THEMIS: variants seen among roughly 807,000 people sequenced by gnomAD.
THEMIS encodes protein THEMIS.
THEMIS carries 37 observed loss-of-function variants against 52.6 expected under a neutral mutation model. The ratio of observed to expected loss-of-function variants is 0.70; its 90% CI spans 0.54 to 0.93. THEMIS has a LOEUF of 0.93. Ranked by LOEUF, THEMIS falls within the 40% of genes least tolerant of loss-of-function variation. The pLI, the probability that THEMIS is intolerant of heterozygous loss-of-function variation, is 0.00. For missense variants in THEMIS, 808 were observed against 763.1 expected (o/e 1.06, Z -0.69); for synonymous variants, 292 against 272.7 (o/e 1.07, Z -0.70).
At chr6:127,791,132 G>A (rs903568185) in intron 4 of THEMIS, among the ~76,000 whole-genome samples, 6 of 152,130 alleles carry the variant, frequency 3.9e-5, no homozygotes, top group Non-Finnish European at 7.3e-5. Context: ...CCCACCATTC[G>A]GCAGGTCCCA....
At chr6:127,824,820 C>G (rs1267204207) in intron 3 of THEMIS, among the ~76,000 whole-genome samples, 3 of 152,054 alleles carry the variant, frequency 2.0e-5, no homozygotes, top group African/African-American at 7.2e-5. Context: ...AGCTACTTGA[C>G]AGGCTGAGGC....
chr6:127,759,695 A>T (rs985056494), intron 4 of THEMIS, among the ~76,000 whole-genome samples: 1 of 152,082 alleles, frequency 6.6e-6, no homozygotes, highest in Non-Finnish European at 1.5e-5. Flanking sequence ...CCCTAGTCCA[A>T]GTCACCACTC....
chr6:127,852,383 A>G (rs1049717359), intron 2 of THEMIS, among the ~76,000 whole-genome samples: 8 of 151,562 alleles, frequency 5.3e-5, no homozygotes, highest in African/African-American at 1.9e-4. Context: ...CACATAAACC[A>G]ACAGACATCT....
At chr6:127,818,023 C>T (rs889012130) in intron 3 of THEMIS, among the ~76,000 whole-genome samples, 1 of 152,206 alleles carries the variant, frequency 6.6e-6, no homozygotes, top group African/African-American at 2.4e-5. Context: ...TATTTTAGCA[C>T]AGCCTAACCA....
At chr6:127,865,224 T>C (rs527938955) in intron 1 of THEMIS, among the ~76,000 whole-genome samples, 1 of 152,126 alleles carries the variant, frequency 6.6e-6, no homozygotes, top group East Asian at 1.9e-4. Context: ...AAAACAGACA[T>C]CCACCAAAAA....
Position 127,852,204 on chromosome 6 carries a change from T to C in THEMIS, c.250+2826A>G, listed in dbSNP as rs554484419. On this transcript the variant is annotated intron_variant, in intron 2 of 5. Coordinates refer to ENST00000368248, the MANE Select transcript of THEMIS (RefSeq NM_001010923.3). ...ATCAACAAGAGATAACAATTACAAA[T>C]ACATATACCCCTACCATCAGAGCCT... is the stretch of plus-strand genomic sequence containing the variant. Among the ~76,000 whole-genome samples the C allele has an allele frequency of 5.3e-5, 8 of 151,492 alleles. No individual in the cohort carries two copies. In the South Asian group the frequency reaches 1.5e-3, roughly 28 times the overall value.
At chr6:127,885,372 G>A (rs1269612757) in intron 1 of THEMIS, among the ~76,000 whole-genome samples, 1 of 152,018 alleles carries the variant, frequency 6.6e-6, no homozygotes, top group African/African-American at 2.4e-5. Context: ...TTCTTGTTAA[G>A]CTTTCTCTGA....
chr6:127,798,241 T>C (rs1777397005), intron 4 of THEMIS, among the ~76,000 whole-genome samples: 1 of 152,224 alleles, frequency 6.6e-6, no homozygotes. Context: ...AAACCACAAG[T>C]GTATATTTAT....
intron 1 of THEMIS, among the ~76,000 whole-genome samples, chr6:127,887,680 T>C (rs557973898): frequency 6.6e-6 from 1 of 152,226 alleles, no homozygotes; most frequent in Non-Finnish European, 1.5e-5. Flanking sequence ...GCAGATCAGT[T>C]GTTGCCTAGG....
intron 4 of THEMIS, among the ~76,000 whole-genome samples, chr6:127,773,371 T>C (rs1311606650): frequency 6.6e-6 from 1 of 152,204 alleles, no homozygotes; most frequent in East Asian, 1.9e-4. Context: ...AAGAAGAATT[T>C]ACATTTTTAG....
chr6:127,697,655 T>G, the THEMIS span, among the ~76,000 whole-genome samples: 1 of 152,120 alleles, frequency 6.6e-6, no homozygotes, highest in South Asian at 2.1e-4. Context: ...ATGTTTTGAC[T>G]TCAAGTCTTT....
intron 2 of THEMIS, among the ~76,000 whole-genome samples, chr6:127,843,598 T>C (rs1428708767): frequency 6.6e-6 from 1 of 151,972 alleles, no homozygotes. Context: ...CTTTAATTTT[T>C]AAAGAAAGAT....
intron 4 of THEMIS, among the ~76,000 whole-genome samples, chr6:127,812,516 G>A (rs1777943005): frequency 6.6e-6 from 1 of 151,938 alleles, no homozygotes; most frequent in Admixed American, 6.6e-5. Flanking sequence ...TCCTGGATGA[G>A]GTATTAAATT....
chr6:127,788,882 G>A (rs943507508), intron 4 of THEMIS, among the ~76,000 whole-genome samples: 3 of 152,142 alleles, frequency 2.0e-5, no homozygotes, highest in African/African-American at 7.2e-5. Context: ...CTAAAGTAGT[G>A]TTTAGAGTGA....
chr6:127,806,524 G>A (rs1453752099), intron 4 of THEMIS, among the ~76,000 whole-genome samples: 1 of 152,148 alleles, frequency 6.6e-6, no homozygotes, highest in Non-Finnish European at 1.5e-5. Flanking sequence ...CCAATTGAAA[G>A]TGTACTTCAA....
chr6:127,785,220 T>TTATCTATCTATC (rs71028106), intron 4 of THEMIS, among the ~76,000 whole-genome samples: 7,675 of 93,786 alleles, frequency 0.082, 348 homozygotes, highest in Non-Finnish European at 0.092. Context: ...ATTATCTATC[T>TTATCTATCTATC]TATCTATCTA....
chr6:127,907,559 A>G (rs966172998), intron 1 of THEMIS, among the ~76,000 whole-genome samples: 14 of 151,724 alleles, frequency 9.2e-5, no homozygotes, highest in African/African-American at 3.4e-4. Context: ...TGACTAGAAA[A>G]TGAAATATGC....
At chr6:127,753,662 G>C (rs1393258734) in intron 4 of THEMIS, among the ~76,000 whole-genome samples, 1 of 151,960 alleles carries the variant, frequency 6.6e-6, no homozygotes, top group East Asian at 1.9e-4. Context: ...GAAAAACAAA[G>C]CTGTTAACAA....
At chr6:127,801,452 G>A (rs905613586) in intron 4 of THEMIS, among the ~76,000 whole-genome samples, 10 of 152,132 alleles carry the variant, frequency 6.6e-5, no homozygotes, top group Non-Finnish European at 8.8e-5. Flanking sequence ...ACCCTTGCCA[G>A]GTGTCTACTG....
Sources: gnomAD v4.1 joint callset for allele counts (sites outside exome capture counted in the v4.1 genomes callset) on GRCh38, gnomAD v4.1.1 for gene constraint, MANE v1.5 for transcripts, NCBI Gene and HGNC (gene_info 2026-07-23, HGNC 2026-07-21) for gene names.